The following INTS9 variants were observed in gnomAD, a reference collection of about 807,000 sequenced individuals.
The protein encoded by INTS9 is protein related to CPSF subunits of 74 kDa.
INTS9 carries 55 observed loss-of-function variants against 79.7 expected under a neutral mutation model. The observed-to-expected ratio is 0.69, with a 90% CI of 0.56 to 0.86. INTS9 has a LOEUF of 0.86. Among genes scored for constraint, INTS9 ranks in the 40% least tolerant of loss-of-function variants. The pLI, the probability that INTS9 is intolerant of heterozygous loss-of-function variation, is 0.00. For missense variants in INTS9, 721 were observed against 831.5 expected (o/e 0.87, Z 1.64); for synonymous variants, 319 against 325.2 (o/e 0.98, Z 0.20).
intron 6 of INTS9, among the ~76,000 whole-genome samples, chr8:28,831,276 AG>A (rs1806472589): frequency 6.6e-6 from 1 of 152,204 alleles, no homozygotes; most frequent in South Asian, 2.1e-4. Flanking sequence ...GAACACAGGC[AG>A]GGGAACAACA....
At chr8:28,792,148 C>A (rs560091614) in intron 10 of INTS9, among the ~76,000 whole-genome samples, 2 of 152,240 alleles carry the variant, frequency 1.3e-5, no homozygotes, top group South Asian at 4.1e-4. Flanking sequence ...AGAAACAAAA[C>A]CTGGTGCATA....
chr8:28,773,239 G>A (rs1045272593), intron 14 of INTS9, among the ~76,000 whole-genome samples: 2 of 152,184 alleles, frequency 1.3e-5, no homozygotes, highest in East Asian at 1.9e-4. Context: ...CAAGGCGGGT[G>A]GATCACAAGG....
At chr8:28,879,376 C>T (rs371492048) in intron 1 of INTS9, among the ~76,000 whole-genome samples, 3 of 152,102 alleles carry the variant, frequency 2.0e-5, no homozygotes, top group African/African-American at 4.8e-5. Flanking sequence ...GAACCATTTA[C>T]GATAAAAATA....
intron 1 of INTS9, among the ~76,000 whole-genome samples, chr8:28,866,440 C>T (rs1055758594): frequency 6.6e-6 from 1 of 152,064 alleles, no homozygotes; most frequent in Non-Finnish European, 1.5e-5. Context: ...GGGGAGCATA[C>T]GCGTCAGACT....
intron 10 of INTS9, 65 bp from the exon 11 acceptor site, chr8:28,787,954 A>AG: frequency 6.0e-5 from 60 of 1,000,450 alleles, no homozygotes; most frequent in Non-Finnish European, 8.5e-5. Flanking sequence ...GTTGCCACCT[A>AG]GTGGCAGCAG....
intron 1 of INTS9, among the ~76,000 whole-genome samples, chr8:28,879,525 T>G: frequency 6.6e-6 from 1 of 152,204 alleles, no homozygotes; most frequent in East Asian, 1.9e-4. Context: ...GATGCCTGCT[T>G]GTACTACCTC....
Position 28,775,917 on chromosome 8 carries a change from C to G in INTS9, c.1405G>C (p.Val469Leu). The G allele has an allele frequency of 6.4e-7, 1 of 1,556,000 alleles. No homozygotes were observed. Among genetic ancestry groups the G allele is most frequent in the Non-Finnish European group, 8.7e-7 (1 of 1,151,018 alleles). Reference protein sequence around the residue: ...KLLKEVQPLHVVCPEQYTQPP... With the variant: ...KLLKEVQPLHLVCPEQYTQPP... ...TGAGTGTACTGCTCAGGACACACCA[C>G]GTGCAGGGGCTGAGGAACCAATGGG... Residue 469 changes from valine to leucine, a missense_variant, in exon 14 of 17, where the codon GTG becomes CTG. Physicochemically the swap from Val to Leu is conservative, Grantham distance 32 (BLOSUM62 1). This residue lies in a region of INTS9 where 281 missense variants were observed against 300.8 expected (regional missense o/e 0.93). Transcript: ENST00000521022.
At chr8:28,875,954 C>T (rs1809360218) in intron 1 of INTS9, among the ~76,000 whole-genome samples, 1 of 152,200 alleles carries the variant, frequency 6.6e-6, no homozygotes, top group African/African-American at 2.4e-5. Flanking sequence ...ACACAGTCAT[C>T]AACATAGTCA....
intron 6 of INTS9, 154 bp from the exon 7 acceptor site, chr8:28,813,766 T>C: frequency 1.2e-6 from 1 of 814,362 alleles, no homozygotes; most frequent in Non-Finnish European, 1.9e-6. Flanking sequence ...TCTGTTTTTA[T>C]TTTTACTTTT....
At chr8:28,776,228 C>T (rs1199805864) in intron 13 of INTS9, 5 of 269,356 alleles carry the variant, frequency 1.9e-5, no homozygotes, top group Non-Finnish European at 3.5e-5. Flanking sequence ...TGGGCTTCCT[C>T]GGGGCACGGT....
At chr8:28,783,254 A>G (rs1894396) in intron 11 of INTS9, among the ~76,000 whole-genome samples, 8,912 of 152,086 alleles carry the variant, frequency 0.059, 849 homozygotes, top group African/African-American at 0.2. Context: ...ACACTTGACA[A>G]TCATCTCCCA....
intron 1 of INTS9, among the ~76,000 whole-genome samples, chr8:28,866,373 G>A (rs1396152573): frequency 6.6e-6 from 1 of 152,072 alleles, no homozygotes; most frequent in African/African-American, 2.4e-5. Context: ...CGCAATAAAT[G>A]TCACCATTTT....
intron 8 of INTS9, among the ~76,000 whole-genome samples, chr8:28,808,239 G>A (rs1382522366): frequency 2.0e-5 from 3 of 148,288 alleles, no homozygotes; most frequent in Non-Finnish European, 4.4e-5. Flanking sequence ...TGTTGCCCTG[G>A]CTGAAGTGTA....
At chr8:28,790,694 A>C (rs1803874507) in intron 10 of INTS9, among the ~76,000 whole-genome samples, 1 of 152,110 alleles carries the variant, frequency 6.6e-6, no homozygotes, top group African/African-American at 2.4e-5. Context: ...TGACCCCAAA[A>C]ATGCAGGCAT....
chr8:28,814,284 TCACACACACACACACACA>T (rs60850682), intron 6 of INTS9, among the ~76,000 whole-genome samples: 4,529 of 134,318 alleles, frequency 0.034, 106 homozygotes, highest in Middle Eastern at 0.079. Flanking sequence ...ACAGGGCTTC[TCACACACACACACACACA>T]CACACACACA....
chr8:28,873,931 A>C (rs76106896), intron 1 of INTS9, among the ~76,000 whole-genome samples: 1 of 152,110 alleles, frequency 6.6e-6, no homozygotes, highest in African/African-American at 2.4e-5. Flanking sequence ...TTCTCATACT[A>C]TATCATCAAC....
chr8:28,873,273 G>A (rs1809192712), intron 1 of INTS9, among the ~76,000 whole-genome samples: 1 of 152,150 alleles, frequency 6.6e-6, no homozygotes, highest in Admixed American at 6.5e-5. Flanking sequence ...AAGGTTTCCT[G>A]AAGAACCCCA....
chr8:28,769,156 A>C (rs1332900590), intron 16 of INTS9, among the ~76,000 whole-genome samples: 1 of 152,226 alleles, frequency 6.6e-6, no homozygotes, highest in East Asian at 1.9e-4. Context: ...AATCCTAGGA[A>C]AGGGAAAGCC....
In INTS9 at chr8:28,837,711, C is replaced by A; in HGVS notation, c.327G>T (p.Ala109=). Residue 109 remains alanine (A), a synonymous_variant, in exon 5 of 17, where the codon GCG becomes GCT. Coordinates refer to ENST00000521022, the MANE Select transcript of INTS9 (RefSeq NM_018250.4). ...CGGTGTGCTCGGTGATGTATGGCAG[C>A]GCCATCATACAGTGATAGTTAGAGA... ...ILISNYHCMM[A]LPYITEHTGF... 6.2e-7 allele frequency: 1 copy of A among 1,613,866 alleles called. No homozygotes were observed.
Sources: gnomAD v4.1 joint callset for allele counts (sites outside exome capture counted in the v4.1 genomes callset) on GRCh38, gnomAD v4.1.1 for gene constraint, gnomAD v4.1.1 regional missense constraint, MANE v1.5 for transcripts, NCBI Gene and HGNC (gene_info 2026-07-23, HGNC 2026-07-21) for gene names.